The following SYT1 variants were observed in gnomAD, a reference collection of about 807,000 sequenced individuals.
The protein encoded by SYT1 is synaptotagmin-1.
In SYT1, 8 loss-of-function variants were observed where a neutral mutation model predicts 44.8. That is an observed-to-expected ratio of 0.18 (90% confidence interval 0.10 to 0.32). SYT1 has a LOEUF of 0.32. Ranked by LOEUF, SYT1 falls within the 10% of genes least tolerant of loss-of-function variation. The pLI, the probability that SYT1 is intolerant of heterozygous loss-of-function variation, is 1.00. For missense variants in SYT1, 286 were observed against 509.3 expected, an observed-to-expected ratio of 0.56 and a Z score of 4.22; for synonymous variants, 154 against 188.8, an observed-to-expected ratio of 0.82 and a Z score of 1.51.
chr12:78,867,358 A>G (rs1873598676), intron 1 of SYT1, among the ~76,000 whole-genome samples: 1 of 152,076 alleles, frequency 6.6e-6, no homozygotes, highest in African/African-American at 2.4e-5. Context: ...ATAACATCTA[A>G]AAATATGGAT....
Position 78,931,223 on chromosome 12 carries a change from GAAAGAAAGAAA to G in SYT1, c.-216-46575_-216-46565del, listed in dbSNP as rs1565723322. On this transcript the variant is annotated intron_variant, in intron 1 of 10. Transcript: ENST00000261205. ...AGAAAGAAAGAAAGAAAGAAAGAAA[GAAAGAAAGAAA>G]GAAAGAAGGAAGGAAGGAAGGAAGG... 2.6e-3 allele frequency among the ~76,000 whole-genome samples: 154 copies of G among 59,932 alleles called. 6 individuals are homozygous for G. The highest frequency in any genetic ancestry group is 0.01 in the African/African-American group (113 of 11,014). 39.3% of individuals were successfully genotyped at this position (59,932 alleles called of 152,430 possible).
chr12:78,919,278 T>C (rs923969609), intron 1 of SYT1, among the ~76,000 whole-genome samples: 2 of 151,960 alleles, frequency 1.3e-5, no homozygotes, highest in African/African-American at 2.4e-5. Flanking sequence ...AAAATAATGA[T>C]GGGTTAGAAG....
At chr12:79,380,468 C>T (rs887716002) in intron 9 of SYT1, among the ~76,000 whole-genome samples, 4 of 152,214 alleles carry the variant, frequency 2.6e-5, no homozygotes, top group African/African-American at 9.7e-5. Context: ...TAGCCTGCTA[C>T]ATGATCATAG....
chr12:79,159,571 C>T (rs1423178036), intron 3 of SYT1, among the ~76,000 whole-genome samples: 1 of 152,110 alleles, frequency 6.6e-6, no homozygotes, highest in Non-Finnish European at 1.5e-5. Flanking sequence ...TACTCTCTCA[C>T]TGTGCCTAAT....
At chr12:79,132,523 T>C (rs1868898961) in intron 3 of SYT1, among the ~76,000 whole-genome samples, 1 of 151,070 alleles carries the variant, frequency 6.6e-6, no homozygotes, top group African/African-American at 2.4e-5. Flanking sequence ...CAAATGCAAG[T>C]AAAAGCCGCA....
chr12:79,122,321 T>C (rs1429627125), intron 3 of SYT1, among the ~76,000 whole-genome samples: 6 of 151,458 alleles, frequency 4.0e-5, no homozygotes, highest in African/African-American at 9.7e-5. Flanking sequence ...GAGACCATCC[T>C]GGCTAACACG....
At chr12:79,172,967 C>T (rs1477903908) in intron 3 of SYT1, among the ~76,000 whole-genome samples, 1 of 25,918 alleles carries the variant, frequency 3.9e-5, no homozygotes, top group Non-Finnish European at 6.8e-5. Flanking sequence ...AGTTCCTGCT[C>T]TCAAAAAAAA....
chr12:79,015,068 G>C (rs929583978), intron 2 of SYT1, among the ~76,000 whole-genome samples: 3 of 151,934 alleles, frequency 2.0e-5, no homozygotes, highest in Non-Finnish European at 2.9e-5. Context: ...TTGTAGGGTG[G>C]GGGGAGAGGG....
chr12:79,443,869 C>A (rs1870565723), intron 9 of SYT1, among the ~76,000 whole-genome samples: 1 of 152,124 alleles, frequency 6.6e-6, no homozygotes, highest in Admixed American at 6.5e-5. Flanking sequence ...TCTTCTAAAT[C>A]AAACTATAAA....
chr12:79,246,104 GTATTTTAATCATAAGATTAAAATATTT>G (rs1489311513), intron 4 of SYT1, among the ~76,000 whole-genome samples: 55 of 152,112 alleles, frequency 3.6e-4, no homozygotes, highest in African/African-American at 1.3e-3. Flanking sequence ...ATTTTTACTA[GTATTTTAATCATAAGATTAAAATATTT>G]TATGGAAATT....
chr12:79,308,821 G>A (rs1028369954), intron 8 of SYT1, among the ~76,000 whole-genome samples: 11 of 152,118 alleles, frequency 7.2e-5, no homozygotes, highest in Non-Finnish European at 1.3e-4. Flanking sequence ...GATAATGAGC[G>A]AGTCTACAAG....
chr12:78,875,993 G>T (rs1874048052), intron 1 of SYT1, among the ~76,000 whole-genome samples: 1 of 151,108 alleles, frequency 6.6e-6, no homozygotes, highest in African/African-American at 2.4e-5. Flanking sequence ...CAGTTTTATT[G>T]TTCCTATAAA....
intron 3 of SYT1, among the ~76,000 whole-genome samples, chr12:79,200,420 G>T (rs1873711618): frequency 6.6e-6 from 1 of 152,104 alleles, no homozygotes; most frequent in African/African-American, 2.4e-5. Context: ...TTCACATAGA[G>T]GTACTTAGAG....
chr12:79,132,801 T>C (rs1484150185), intron 3 of SYT1, among the ~76,000 whole-genome samples: 1 of 150,930 alleles, frequency 6.6e-6, no homozygotes, highest in Non-Finnish European at 1.5e-5. Context: ...TGGATTCCCA[T>C]ATTTATTGCA....
At chr12:79,389,056 C>T (rs1884551716) in intron 9 of SYT1, among the ~76,000 whole-genome samples, 1 of 152,150 alleles carries the variant, frequency 6.6e-6, no homozygotes, top group African/African-American at 2.4e-5. Context: ...TAGATATATT[C>T]CACTTGTTTG....
chr12:79,120,107 C>T (rs1233748750), intron 3 of SYT1, among the ~76,000 whole-genome samples: 2 of 152,016 alleles, frequency 1.3e-5, no homozygotes, highest in Non-Finnish European at 2.9e-5. Flanking sequence ...TGGGCAATAG[C>T]ACCACACAAA....
chr12:78,932,848 T>G (rs1252957351), intron 1 of SYT1, among the ~76,000 whole-genome samples: 1 of 152,206 alleles, frequency 6.6e-6, no homozygotes, highest in Non-Finnish European at 1.5e-5. Flanking sequence ...TGTATTAAAA[T>G]AATTATTCAT....
At chr12:78,916,397 G>A (rs1245346903) in intron 1 of SYT1, among the ~76,000 whole-genome samples, 1 of 151,994 alleles carries the variant, frequency 6.6e-6, no homozygotes, top group East Asian at 1.9e-4. Flanking sequence ...AATAAAAAAT[G>A]TTTGAGGAGA....
chr12:79,209,400 G>A (rs1874310397), intron 3 of SYT1, among the ~76,000 whole-genome samples: 3 of 152,174 alleles, frequency 2.0e-5, no homozygotes. Flanking sequence ...TCAATCAGAG[G>A]TAGTTTACTA....
Sources: allele counts gnomAD v4.1 joint callset (sites outside exome capture counted in the v4.1 genomes callset), GRCh38; gene constraint gnomAD v4.1.1; transcripts MANE v1.5; gene names NCBI Gene and HGNC (gene_info 2026-07-23, HGNC 2026-07-21).